Variants in NOVA2 observed in about 807,000 individuals in gnomAD.
NOVA2 encodes RNA-binding protein Nova-2.
NOVA2 carries 9 observed loss-of-function variants against 22.5 expected under a neutral mutation model. The ratio of observed to expected loss-of-function variants is 0.40; its 90% CI spans 0.24 to 0.70. The LOEUF (loss-of-function observed/expected upper bound fraction) is 0.70, where lower values mean the gene tolerates loss of function less well. Ranked by LOEUF, NOVA2 falls within the 30% of genes least tolerant of loss-of-function variation. NOVA2 has a pLI of 0.38. For synonymous variants in NOVA2, 318 were observed against 335.2 expected (o/e 0.95, Z 0.56); for missense variants, 383 against 682.8 (o/e 0.56, Z 4.89).
chr19:45,972,774 C>A (rs1181482929), intron 1 of NOVA2, among the ~76,000 whole-genome samples: 1 of 152,148 alleles, frequency 6.6e-6, no homozygotes, highest in Non-Finnish European at 1.5e-5. Flanking sequence ...ACCTACCCAG[C>A]CTGTCCCCAC....
rs1967660566 is a variant in NOVA2 at position 45,936,835 on chromosome 19, G to A, written c.*3028C>T. 1 of 152,138 alleles carries A rather than the reference G, an allele frequency of 6.6e-6. No individual in the cohort carries two copies. The highest frequency in any genetic ancestry group is 1.5e-5 in the Non-Finnish European group (1 of 68,022). The allele number at this position is 152,138 out of a possible 1,614,324, so 9.4% of individuals were successfully genotyped here. ...AGCACCTACTGGGTGCTGAAGAGAA[G>A]GGTGCAAGGAGGCCACTCAGAGACT... On this transcript the variant is annotated 3_prime_UTR_variant, in exon 4 of 4. Coordinates refer to ENST00000263257, the MANE Select transcript of NOVA2 (RefSeq NM_002516.4).
Position 45,934,755 on chromosome 19 carries a change from C to T in NOVA2, c.*5108G>A, listed in dbSNP as rs1226837430. On this transcript the variant is annotated 3_prime_UTR_variant, in exon 4 of 4. Coordinates refer to ENST00000263257, the MANE Select transcript of NOVA2 (RefSeq NM_002516.4). ...AGCGCTCCATTTGAGGGAGGCCACG[C>T]CCCTGGACCCGCCTTTTAAAGGGAC... 1 of 152,024 alleles carries T rather than the reference C, an allele frequency of 6.6e-6. No individual in the cohort carries two copies. Among genetic ancestry groups the T allele is most frequent in the Non-Finnish European group, 1.5e-5 (1 of 68,050 alleles). The allele number at this position is 152,024 out of a possible 1,614,324, so 9.4% of individuals were successfully genotyped here. A position where few individuals can be genotyped will look rare whatever the true frequency, so the allele number is the denominator to read the frequency against.
chr19:45,966,209 T>G (rs1968166029), intron 1 of NOVA2, among the ~76,000 whole-genome samples: 2 of 152,324 alleles, frequency 1.3e-5, no homozygotes, highest in African/African-American at 4.8e-5. Flanking sequence ...CCTGTCTTTC[T>G]CATGCCACCT....
At position 45,936,423 on chromosome 19, in the gene NOVA2, A is replaced by AG. The variant is rs1241006102; in HGVS notation, c.*3439dup. On this transcript the variant is annotated 3_prime_UTR_variant, in exon 4 of 4. Transcript: ENST00000263257. The stretch of plus-strand genomic sequence containing the variant: ...AAACTCAGGGTGGGAGGGCTGTGGA[A>AG]GGGGGACCCAATTTAGCTCCATGTC... 1 of 151,648 alleles carries AG rather than the reference A, an allele frequency of 6.6e-6. No individual in the cohort carries two copies. Among genetic ancestry groups the AG allele is most frequent in the East Asian group, 1.9e-4 (1 of 5,158 alleles). The allele number at this position is 151,648 out of a possible 1,614,324, so 9.4% of individuals were successfully genotyped here.
intron 1 of NOVA2, among the ~76,000 whole-genome samples, chr19:45,969,768 C>T (rs941796794): frequency 6.6e-6 from 1 of 152,104 alleles, no homozygotes; most frequent in Non-Finnish European, 1.5e-5. Context: ...CAAGGAGTCC[C>T]TGACTAGAGT....
chr19:45,970,928 G>C (rs1968224848), intron 1 of NOVA2, among the ~76,000 whole-genome samples: 2 of 152,130 alleles, frequency 1.3e-5, no homozygotes, highest in Non-Finnish European at 2.9e-5. Context: ...AGACAGTCTG[G>C]AGGAGATGGT....
chr19:45,970,783 G>T (rs148501100), intron 1 of NOVA2, among the ~76,000 whole-genome samples: 2 of 152,114 alleles, frequency 1.3e-5, no homozygotes, highest in Non-Finnish European at 1.5e-5. Context: ...ATTATTGAAA[G>T]AAGCCCTCAA....
chr19:45,942,315 G>A (rs955095361), intron 3 of NOVA2, among the ~76,000 whole-genome samples: 3 of 152,154 alleles, frequency 2.0e-5, no homozygotes, highest in Non-Finnish European at 4.4e-5. Context: ...GTCCTTATAA[G>A]CAGAGGAGAT....
intron 3 of NOVA2, among the ~76,000 whole-genome samples, chr19:45,943,933 T>C (rs1025209271): frequency 2.6e-5 from 4 of 152,186 alleles, no homozygotes; most frequent in African/African-American, 4.8e-5. Flanking sequence ...CAAGAGCAGA[T>C]TGTGCTTTGT....
Position 45,942,081 on chromosome 19 carries a change from G to A in NOVA2, c.397-1136C>T, listed in dbSNP as rs537122995. 2.0e-5 allele frequency among the ~76,000 whole-genome samples: 3 copies of A among 152,290 alleles called. No homozygotes were observed. The East Asian group carries it at 5.8e-4, about 29-fold the overall frequency. On this transcript the variant is annotated intron_variant, in intron 3 of 3. Coordinates refer to ENST00000263257, the MANE Select transcript of NOVA2 (RefSeq NM_002516.4). ...AGGTTCCCCAGTTAGTGACGGAGCT[G>A]AAATCTAGGCTCTTGGGTTCCTGAT... is the stretch of plus-strand genomic sequence containing the variant.
intron 3 of NOVA2, 25 bp downstream of exon 3, chr19:45,953,755 C>G: frequency 6.2e-7 from 1 of 1,613,754 alleles, no homozygotes; most frequent in Non-Finnish European, 8.5e-7. Context: ...AGCTTTACAG[C>G]AACCCAGTCT....
chr19:45,956,259 A>G (rs915225175), intron 2 of NOVA2, among the ~76,000 whole-genome samples: 1 of 146,724 alleles, frequency 6.8e-6, no homozygotes, highest in African/African-American at 2.5e-5. Flanking sequence ...GGGGCGGGGT[A>G]GGGGGAGGTG....
chr19:45,935,776 G>A lies in NOVA2; in HGVS notation c.*4087C>T, dbSNP rs1198800027. 1 of 152,332 alleles carries A rather than the reference G, an allele frequency of 6.6e-6. No homozygotes were observed. Among genetic ancestry groups the A allele is most frequent in the Admixed American group, 6.5e-5 (1 of 15,286 alleles). 9.4% of individuals were successfully genotyped at this position (152,332 alleles called of 1,614,324 possible). On this transcript the variant is annotated 3_prime_UTR_variant, in exon 4 of 4. Transcript: ENST00000263257. ...ATCAAAACAAAGTAAGAAGGAGGAT[G>A]TGGGATGGAGGAACAGGGAGGAGAA...
At position 45,936,918 on chromosome 19, in the gene NOVA2, C is replaced by A. The variant is rs540304938; in HGVS notation, c.*2945G>T. ...AAAAAAAAAGAGATGATGGGTTTTT[C>A]AATAATCCTCATCCCTGACCCCACA... On this transcript the variant is annotated 3_prime_UTR_variant, in exon 4 of 4. Transcript: ENST00000263257. 3.4e-4 allele frequency: 51 copies of A among 152,060 alleles called. No individual in the cohort carries two copies. Among genetic ancestry groups the A allele is most frequent in the African/African-American group, 1.1e-3 (46 of 41,476 alleles). 9.4% of individuals were successfully genotyped at this position (152,060 alleles called of 1,614,324 possible).
intron 3 of NOVA2, 56 bp downstream of exon 3, chr19:45,953,724 T>C: frequency 5.6e-6 from 9 of 1,602,446 alleles, no homozygotes; most frequent in Non-Finnish European, 6.8e-6. Flanking sequence ...GTGGGAGGAA[T>C]GTTTCTTTGT....
Position 45,938,591 on chromosome 19 carries a change from T to G in NOVA2, c.*1272A>C, listed in dbSNP as rs537320086. The G allele has an allele frequency of 2.0e-5, 3 of 152,364 alleles. No individual in the cohort carries two copies. In the South Asian group the frequency reaches 6.2e-4, roughly 32 times the overall value. 9.4% of individuals were successfully genotyped at this position (152,364 alleles called of 1,614,324 possible). On this transcript the variant is annotated 3_prime_UTR_variant, in exon 4 of 4. Coordinates refer to ENST00000263257, the MANE Select transcript of NOVA2 (RefSeq NM_002516.4). ...GGGTGGGAAGGGAGGTCTTTAACAGTAGTTTGCACTAGGTCCATCTCCCAC... is the reference window on the plus strand; with the variant it reads ...GGGTGGGAAGGGAGGTCTTTAACAGGAGTTTGCACTAGGTCCATCTCCCAC...
intron 1 of NOVA2, among the ~76,000 whole-genome samples, chr19:45,961,968 T>C (rs1290834444): frequency 6.6e-6 from 1 of 151,854 alleles, no homozygotes; most frequent in South Asian, 2.1e-4. Flanking sequence ...TGGGAGGAGA[T>C]GAGGACAGAG....
intron 2 of NOVA2, 33 bp downstream of exon 2, chr19:45,960,977 G>C (rs372860595): frequency 6.4e-7 from 1 of 1,551,746 alleles, no homozygotes; most frequent in Admixed American, 1.9e-5. Flanking sequence ...GAAGGGCGGG[G>C]GGCCTAGGGC....
In NOVA2 at chr19:45,940,825, T is replaced by G; in HGVS notation, c.517A>C (p.Ile173Leu). Residue 173 changes from isoleucine to leucine, a missense_variant, in exon 4 of 4, where the codon ATC becomes CTC. This residue lies in a region of NOVA2 where 349 missense variants were observed against 578.1 expected (regional missense o/e 0.60). Coordinates refer to ENST00000263257, the MANE Select transcript of NOVA2 (RefSeq NM_002516.4). ...WVQLSQKPEGINLQERVVTVS... is the reference protein window; with the variant it reads ...WVQLSQKPEGLNLQERVVTVS... ...GTCACCACGCGCTCCTGCAGGTTGA[T>G]GCCCTCCGGCTTCTGGGACAGCTGC... 1.9e-6 allele frequency: 3 copies of G among 1,606,116 alleles called. No homozygotes were observed. The highest frequency in any genetic ancestry group is 2.5e-6 in the Non-Finnish European group (3 of 1,179,924).
Sources: allele counts gnomAD v4.1 joint callset (sites outside exome capture counted in the v4.1 genomes callset), GRCh38; gene constraint gnomAD v4.1.1; regional missense constraint gnomAD v4.1.1; transcripts MANE v1.5; gene names NCBI Gene and HGNC (gene_info 2026-07-23, HGNC 2026-07-21).